Variants in SCUBE1 observed in about 807,000 individuals in gnomAD.
SCUBE1 encodes signal peptide, CUB and EGF-like domain-containing protein 1.
In SCUBE1, 59 loss-of-function variants were observed where a neutral mutation model predicts 124.4. The ratio of observed to expected loss-of-function variants is 0.47; its 90% CI spans 0.38 to 0.59. The LOEUF (loss-of-function observed/expected upper bound fraction) is 0.59, where lower values mean the gene tolerates loss of function less well. Ranked by LOEUF, SCUBE1 falls within the 20% of genes least tolerant of loss-of-function variation. The pLI, the probability that SCUBE1 is intolerant of heterozygous loss-of-function variation, is 0.00. For missense variants in SCUBE1, 1,150 were observed against 1,371.2 expected (o/e 0.84, Z 2.55); for synonymous variants, 545 against 550.9 (o/e 0.99, Z 0.15).
chr22:43,222,380 C>G lies in SCUBE1; in HGVS notation c.1432+258G>C, dbSNP rs528394964. Among the ~76,000 whole-genome samples, 360 of 152,334 alleles carry G rather than the reference C, an allele frequency of 2.4e-3. 4 individuals are homozygous for G. The highest frequency in any genetic ancestry group is 6.8e-3 in the Middle Eastern group (2 of 294). On this transcript the variant is annotated intron_variant, in intron 12 of 21. Coordinates refer to ENST00000360835, the MANE Select transcript of SCUBE1 (RefSeq NM_173050.5). ...TGTGCACTCACAGCACGTTAGAGTCCCTGAACCACTCTGGCTGTGACCTCA... is the reference window on the plus strand; with the variant it reads ...TGTGCACTCACAGCACGTTAGAGTCGCTGAACCACTCTGGCTGTGACCTCA...
intron 6 of SCUBE1, among the ~76,000 whole-genome samples, chr22:43,243,618 T>A (rs1923091519): frequency 6.6e-6 from 1 of 152,216 alleles, no homozygotes; most frequent in East Asian, 1.9e-4. Flanking sequence ...ACAAGGTCCT[T>A]AAAGGACAGT....
At chr22:43,235,339 T>A (rs548927700) in intron 7 of SCUBE1, among the ~76,000 whole-genome samples, 17 of 151,594 alleles carry the variant, frequency 1.1e-4, no homozygotes, top group African/African-American at 4.1e-4. Context: ...CTCCTGCCCA[T>A]CTCACGTGGG....
At chr22:43,308,782 C>A (rs1926068709) in intron 3 of SCUBE1, among the ~76,000 whole-genome samples, 1 of 152,260 alleles carries the variant, frequency 6.6e-6, no homozygotes, top group African/African-American at 2.4e-5. Flanking sequence ...CTTTTCTACC[C>A]CTCCACTTGG....
At chr22:43,298,436 C>A (rs1266520548) in intron 3 of SCUBE1, among the ~76,000 whole-genome samples, 1 of 152,214 alleles carries the variant, frequency 6.6e-6, no homozygotes. Flanking sequence ...AGATGAGGCG[C>A]ATGAATGGTA....
chr22:43,298,767 A>G (rs17003630), intron 3 of SCUBE1, among the ~76,000 whole-genome samples: 4,015 of 152,320 alleles, frequency 0.026, 190 homozygotes, highest in African/African-American at 0.091. Flanking sequence ...AGATTCAGTG[A>G]GTCGACTGGG....
intron 2 of SCUBE1, among the ~76,000 whole-genome samples, chr22:43,332,088 A>C (rs752537306): frequency 1.3e-5 from 2 of 152,060 alleles, no homozygotes; most frequent in Non-Finnish European, 2.9e-5. Context: ...GGAGTTCGAG[A>C]CCAACCTGGC....
intron 2 of SCUBE1, among the ~76,000 whole-genome samples, chr22:43,338,456 AC>A (rs1927157711): frequency 6.6e-6 from 1 of 152,098 alleles, no homozygotes; most frequent in Non-Finnish European, 1.5e-5. Context: ...TTTGCACTCC[AC>A]CCCCATATAG....
At chr22:43,235,814 C>G (rs1215311143) in intron 7 of SCUBE1, among the ~76,000 whole-genome samples, 1 of 152,166 alleles carries the variant, frequency 6.6e-6, no homozygotes, top group Non-Finnish European at 1.5e-5. Context: ...AACCCCCTTC[C>G]TCTTGGAGGG....
intron 6 of SCUBE1, among the ~76,000 whole-genome samples, chr22:43,252,495 C>A (rs757254342): frequency 2.0e-5 from 3 of 152,190 alleles, no homozygotes; most frequent in Non-Finnish European, 4.4e-5. Flanking sequence ...TCTGGAGCCA[C>A]GTGGTCCAGG....
At chr22:43,260,429 C>T (rs1923829561) in intron 5 of SCUBE1, among the ~76,000 whole-genome samples, 1 of 152,220 alleles carries the variant, frequency 6.6e-6, no homozygotes, top group Non-Finnish European at 1.5e-5. Context: ...GGGTCCTGGG[C>T]TCTGGACGGA....
Position 43,204,021 on chromosome 22 carries a change from A to G in SCUBE1, c.2943T>C (p.Ser981=). 1 of 1,614,140 alleles carries G rather than the reference A, an allele frequency of 6.2e-7. No homozygotes were observed. Among genetic ancestry groups the G allele is most frequent in the Middle Eastern group, 1.6e-4 (1 of 6,062 alleles). ...SFIKLLRSKV[S]RFLRPYK ...GTTATTTGTAGGGCCGCAGGAACCG[A>G]GACACTTTGGAGCGCAGCAGTTTGA... Residue 981 remains serine (S), a synonymous_variant, in exon 22 of 22, where the codon TCT becomes TCC. Transcript: ENST00000360835.
intron 2 of SCUBE1, among the ~76,000 whole-genome samples, chr22:43,334,429 G>T (rs1926997867): frequency 1.3e-5 from 2 of 152,126 alleles, no homozygotes; most frequent in South Asian, 4.1e-4. Flanking sequence ...TAGGTCCCAG[G>T]AATTGTTGGA....
At chr22:43,285,106 G>A (rs956493279) in intron 4 of SCUBE1, among the ~76,000 whole-genome samples, 5 of 152,184 alleles carry the variant, frequency 3.3e-5, no homozygotes, top group African/African-American at 1.2e-4. Context: ...CCCCAGCAGA[G>A]CAGCTGCACA....
intron 4 of SCUBE1, among the ~76,000 whole-genome samples, chr22:43,280,584 C>T (rs547690273): frequency 6.6e-6 from 1 of 150,800 alleles, no homozygotes; most frequent in African/African-American, 2.4e-5. Context: ...CTTCCCCCTG[C>T]AGACATCCTC....
Position 43,343,247 on chromosome 22 carries a change from G to T in SCUBE1, c.15C>A (p.Ala5=). Reference sequence around the variant, plus strand: ...GCAGCACGCACAAGTGCCAGCGCACGGCCGCCGCGCCCATGCTCAATGCGG... The same window carrying T: ...GCAGCACGCACAAGTGCCAGCGCACTGCCGCCGCGCCCATGCTCAATGCGG... The part of the protein sequence containing the change: MGAA[A]VRWHLCVLLA... The change falls in exon 1 of 22, where the codon GCC becomes GCA. Residue 5 remains alanine (A), a synonymous_variant. Transcript: ENST00000360835. 1 of 1,185,972 alleles carries T rather than the reference G, an allele frequency of 8.4e-7. No individual in the cohort carries two copies. Among genetic ancestry groups the T allele is most frequent in the Non-Finnish European group, 1.0e-6 (1 of 954,500 alleles). 73.5% of individuals were successfully genotyped at this position (1,185,972 alleles called of 1,614,324 possible).
intron 4 of SCUBE1, among the ~76,000 whole-genome samples, chr22:43,280,265 A>C (rs1323686343): frequency 1.3e-5 from 2 of 152,020 alleles, no homozygotes; most frequent in Admixed American, 1.3e-4. Flanking sequence ...GTCCAGAGCC[A>C]CCGAAACTTA....
intron 4 of SCUBE1, among the ~76,000 whole-genome samples, chr22:43,277,813 T>C (rs1035570533): frequency 2.0e-5 from 3 of 152,264 alleles, no homozygotes; most frequent in African/African-American, 7.2e-5. Flanking sequence ...TACGATCTCA[T>C]TTTAATTCTC....
intron 3 of SCUBE1, among the ~76,000 whole-genome samples, chr22:43,302,594 AAGCAGTGTGCAGCCTGCCCACAGTCCCC>A (rs1925816220): frequency 1.3e-5 from 2 of 152,160 alleles, no homozygotes; most frequent in African/African-American, 4.8e-5. Flanking sequence ...TGGGAGCTCC[AAGCAGTGTGCAGCCTGCCCACAGTCCCC>A]AGCAAGTGAG....
chr22:43,204,944 A>AC (rs1324306589), intron 21 of SCUBE1, among the ~76,000 whole-genome samples: 1 of 151,002 alleles, frequency 6.6e-6, no homozygotes, highest in East Asian at 1.9e-4. Flanking sequence ...ACTGTCTCAA[A>AC]AAAAAAAAAA....
Sources: gnomAD v4.1 joint callset for allele counts (sites outside exome capture counted in the v4.1 genomes callset) on GRCh38, gnomAD v4.1.1 for gene constraint, MANE v1.5 for transcripts, NCBI Gene and HGNC (gene_info 2026-07-23, HGNC 2026-07-21) for gene names.